TNS1: variants seen among roughly 807,000 people sequenced by gnomAD.
TNS1 encodes the protein tensin-1.
TNS1 carries 62 observed loss-of-function variants against 168.6 expected under a neutral mutation model. The observed-to-expected ratio is 0.37, with a 90% CI of 0.30 to 0.45. TNS1 has a LOEUF of 0.45. Among genes scored for constraint, TNS1 ranks in the 20% least tolerant of loss-of-function variants. The pLI, the probability that TNS1 is intolerant of heterozygous loss-of-function variation, is 1.00. For missense variants in TNS1, 2,240 were observed against 2,339.4 expected (o/e 0.96, Z 0.88); for synonymous variants, 934 against 933.2 (o/e 1.00, Z -0.02).
rs146576163 is a variant in TNS1 at position 218,031,126 on chromosome 2, C to CTG, written c.156+2692_156+2693dup. ...TGTGTATGAGTGTGTGTGAGCATGT[C>CTG]TGTGTGTGTGTGTGTATGTGTTGTG... On this transcript the variant is annotated intron_variant, in intron 1 of 1. Coordinates refer to the TNS1 transcript ENST00000649572. Among the ~76,000 whole-genome samples the CTG allele has an allele frequency of 5.5e-3, 468 of 85,108 alleles. 20 individuals are homozygous for CTG. The East Asian group carries it at 0.059, about 11-fold the overall frequency. The allele number at this position is 85,108 out of a possible 152,430, so 55.8% of individuals were successfully genotyped here.
chr2:217,819,478 T>A (rs951014313), intron 23 of TNS1, among the ~76,000 whole-genome samples: 1 of 152,160 alleles, frequency 6.6e-6, no homozygotes. Flanking sequence ...ATTTCCTGCA[T>A]TGGGAGGTTA....
chr2:218,022,653 G>T (rs918943624), intron 1 of TNS1, among the ~76,000 whole-genome samples: 4 of 151,812 alleles, frequency 2.6e-5, no homozygotes, highest in East Asian at 1.9e-4. Flanking sequence ...GGAGATAAAT[G>T]GGGGGAGGGG....
intron 1 of TNS1, among the ~76,000 whole-genome samples, chr2:217,991,279 G>T (rs1025955235): frequency 6.6e-6 from 1 of 152,112 alleles, no homozygotes; most frequent in Non-Finnish European, 1.5e-5. Flanking sequence ...CCAGACGGCA[G>T]CTGGAGAGTC....
At chr2:217,826,670 T>C (rs1943667095) in intron 22 of TNS1, among the ~76,000 whole-genome samples, 1 of 152,210 alleles carries the variant, frequency 6.6e-6, no homozygotes, top group African/African-American at 2.4e-5. Flanking sequence ...CTCCTGCTGT[T>C]TTCCTCCTTC....
At chr2:217,933,754 C>T (rs1010088063) in intron 3 of TNS1, among the ~76,000 whole-genome samples, 1 of 152,150 alleles carries the variant, frequency 6.6e-6, no homozygotes, top group Non-Finnish European at 1.5e-5. Context: ...CTGAGCCCCA[C>T]CCATCCTTCT....
chr2:217,978,634 G>A lies in TNS1; in HGVS notation c.186+131C>T, dbSNP rs1309773217. ...GCCCGCTCCCAGGCCCAGGCGCTTTGCATAAACAAAGAGAGGAGGAGGGAC... is the reference window on the plus strand; with the variant it reads ...GCCCGCTCCCAGGCCCAGGCGCTTTACATAAACAAAGAGAGGAGGAGGGAC... On this transcript the variant is annotated intron_variant, in intron 3 of 32. Transcript: ENST00000682258. 1.0e-5 allele frequency: 4 copies of A among 390,762 alleles called. 1 individual carries two copies. In the Admixed American group the frequency reaches 1.5e-4, roughly 15 times the overall value. The allele number at this position is 390,762 out of a possible 1,614,324, so 24.2% of individuals were successfully genotyped here.
At chr2:217,904,975 C>A (rs917075648) in intron 6 of TNS1, among the ~76,000 whole-genome samples, 8 of 152,174 alleles carry the variant, frequency 5.3e-5, no homozygotes, top group African/African-American at 1.9e-4. Context: ...GTGGCATTCA[C>A]CAAATCATTC....
chr2:217,934,440 G>C (rs1956494145), intron 3 of TNS1, among the ~76,000 whole-genome samples: 1 of 152,174 alleles, frequency 6.6e-6, no homozygotes, highest in Non-Finnish European at 1.5e-5. Context: ...GTGCAGTCTA[G>C]GAGCCACCTA....
In TNS1 at chr2:217,819,135, A is replaced by G. The variant is rs1385040032; in HGVS notation, c.3573-376T>C. On this transcript the variant is annotated intron_variant, in intron 23 of 32. Transcript: ENST00000682258. ...ATGTTATAGCCTCCAGCATCACAGA[A>G]ATTCCTAATGGAGTTTCCTGGCTCC... 5.3e-5 allele frequency among the ~76,000 whole-genome samples: 8 copies of G among 152,256 alleles called. No homozygotes were observed. The East Asian group carries it at 1.4e-3, about 26-fold the overall frequency.
intron 3 of TNS1, among the ~76,000 whole-genome samples, chr2:217,949,202 A>C (rs1022093709): frequency 2.6e-5 from 4 of 152,190 alleles, no homozygotes; most frequent in African/African-American, 9.7e-5. Context: ...CGATCTCCTC[A>C]TCTGATGGCC....
chr2:217,850,142 G>A (rs1055845346), intron 18 of TNS1: 17 of 985,224 alleles, frequency 1.7e-5, no homozygotes, highest in South Asian at 9.4e-5. Context: ...AAGGTATGCC[G>A]GGCAGGATCA....
At chr2:217,858,092 G>A (rs564489978) in intron 18 of TNS1, among the ~76,000 whole-genome samples, 8 of 152,266 alleles carry the variant, frequency 5.3e-5, no homozygotes, top group East Asian at 1.9e-4. Context: ...GGGAGGGGGC[G>A]TCCTGAATAA....
chr2:218,023,458 GC>G (rs1259718997), intron 1 of TNS1, among the ~76,000 whole-genome samples: 1 of 152,164 alleles, frequency 6.6e-6, no homozygotes, highest in Non-Finnish European at 1.5e-5. Context: ...CTTCTGGCCT[GC>G]CTGCCAAGTC....
At chr2:217,998,274 A>ATC (rs140299202) in intron 1 of TNS1, among the ~76,000 whole-genome samples, 1,961 of 143,610 alleles carry the variant, frequency 0.014, 21 homozygotes, top group African/African-American at 0.026. Flanking sequence ...CTCCATCAGC[A>ATC]TCTCTCTCTC....
rs554195642 is a variant in TNS1, at chr2:217,889,128, C to T, written c.866+1834G>A. Among the ~76,000 whole-genome samples, 50 of 152,366 alleles carry T rather than the reference C, an allele frequency of 3.3e-4. 1 individual carries two copies. Among genetic ancestry groups the T allele is most frequent in the South Asian group, 2.1e-4 (1 of 4,830 alleles). ...ATTCTTTCTTCCCTGAGAAGACTCT[C>T]GTTGATCCACAGCTGCTGTCTCCAG... is the stretch of plus-strand genomic sequence containing the variant. On this transcript the variant is annotated intron_variant, in intron 12 of 32. Transcript: ENST00000682258.
intron 3 of TNS1, among the ~76,000 whole-genome samples, chr2:217,959,837 G>T (rs986035510): frequency 6.6e-6 from 1 of 151,876 alleles, no homozygotes; most frequent in Admixed American, 6.6e-5. Context: ...AGAGGGGCAA[G>T]TGGGGGCCTC....
chr2:217,826,334 G>T (rs549297975), intron 22 of TNS1, among the ~76,000 whole-genome samples: 26 of 152,274 alleles, frequency 1.7e-4, no homozygotes, highest in South Asian at 4.1e-4. Flanking sequence ...TCTCCGTAGT[G>T]AAAATGCTTC....
intron 16 of TNS1, 71 bp from the exon 17 acceptor site, chr2:217,882,482 T>C: frequency 9.9e-7 from 1 of 1,009,274 alleles, no homozygotes; most frequent in Non-Finnish European, 1.5e-6. Context: ...AGTTTTCTTC[T>C]AGAAAAAATT....
At chr2:217,809,268 G>GATGGATGC (rs1940002677) in intron 30 of TNS1, among the ~76,000 whole-genome samples, 3 of 53,368 alleles carry the variant, frequency 5.6e-5, no homozygotes, top group Non-Finnish European at 7.6e-5. Context: ...TGGATGGATG[G>GATGGATGC]ATGGATGGAT....
Sources: allele counts gnomAD v4.1 joint callset (sites outside exome capture counted in the v4.1 genomes callset), GRCh38; gene constraint gnomAD v4.1.1; transcripts MANE v1.5; gene names NCBI Gene and HGNC (gene_info 2026-07-23, HGNC 2026-07-21).